Variants in LIMCH1 observed in about 807,000 individuals in gnomAD.
The protein encoded by LIMCH1 is LIM and calponin homology domains 1.
LIMCH1 carries 113 observed loss-of-function variants against 176.5 expected under a neutral mutation model. The ratio of observed to expected loss-of-function variants is 0.64; its 90% CI spans 0.55 to 0.75. The LOEUF is 0.75. Among genes scored for constraint, LIMCH1 ranks in the 30% least tolerant of loss-of-function variants. LIMCH1 has a pLI of 0.00. For missense variants in LIMCH1, 1,674 were observed against 1,814.9 expected (o/e 0.92, Z 1.41); for synonymous variants, 619 against 645.9 (o/e 0.96, Z 0.63).
intron 4 of LIMCH1, 95 bp from the exon 5 acceptor site, chr4:41,613,371 A>G (rs1165726799): frequency 4.9e-6 from 5 of 1,012,554 alleles, no homozygotes; most frequent in Non-Finnish European, 7.3e-6. Context: ...CTGATGTGAT[A>G]TGCAGGGGTT....
At chr4:41,584,460 G>A (rs1584476353) in intron 1 of LIMCH1, among the ~76,000 whole-genome samples, 1 of 152,308 alleles carries the variant, frequency 6.6e-6, no homozygotes, top group Non-Finnish European at 1.5e-5. Flanking sequence ...CTGTGAAAAG[G>A]TGTATGATGG....
Position 41,513,830 on chromosome 4 carries a change from C to T in LIMCH1, c.168-10579C>T, listed in dbSNP as rs773985740. Among the ~76,000 whole-genome samples, 98 of 149,978 alleles carry T rather than the reference C, an allele frequency of 6.5e-4. 1 individual carries two copies. Among genetic ancestry groups the T allele is most frequent in the Middle Eastern group, 6.8e-3 (2 of 292 alleles). On this transcript the variant is annotated intron_variant, in intron 2 of 26. Coordinates refer to the LIMCH1 transcript ENST00000313860. Reference sequence around the variant, plus strand: ...GACCAGCCTGGTCAACATGGCAAAACCCCATTTCTACTAAAAAATATGAAA... The same window carrying T: ...GACCAGCCTGGTCAACATGGCAAAATCCCATTTCTACTAAAAAATATGAAA...
chr4:41,604,113 T>C (rs1373872267), intron 3 of LIMCH1: 4 of 760,652 alleles, frequency 5.3e-6, no homozygotes, highest in Non-Finnish European at 4.8e-6. Context: ...TTTATTTAGA[T>C]AAGTGCTCAA....
At position 41,605,878 on chromosome 4, in the gene LIMCH1, G is replaced by A. The variant is rs762859979; in HGVS notation, c.-102-16G>A. ...TCTTGAGGGAAAAATCTGCTCTTGT[G>A]CGTTTTGTTCCACAGGTATTAGTTA... On this transcript the variant is annotated splice_polypyrimidine_tract_variant and intron_variant, in intron 3 of 31. Transcript: ENST00000503057. 17 of 1,544,560 alleles carry A rather than the reference G, an allele frequency of 1.1e-5. No homozygotes were observed. The highest frequency in any genetic ancestry group is 1.3e-5 in the Non-Finnish European group (15 of 1,117,658).
chr4:41,692,538 T>G, intron 31 of LIMCH1, 154 bp downstream of exon 31: 3 of 571,434 alleles, frequency 5.2e-6, no homozygotes, highest in Non-Finnish European at 9.4e-6. Flanking sequence ...GAAAAGATAT[T>G]TACCACTCGT....
At chr4:41,556,347 A>G (rs902026881) in intron 1 of LIMCH1, among the ~76,000 whole-genome samples, 8 of 149,318 alleles carry the variant, frequency 5.4e-5, no homozygotes, top group African/African-American at 1.5e-4. Context: ...GCAAGCTGAT[A>G]TCATCCCATT....
chr4:41,518,715 C>G (rs1400119556), intron 2 of LIMCH1, among the ~76,000 whole-genome samples: 1 of 152,090 alleles, frequency 6.6e-6, no homozygotes, highest in Non-Finnish European at 1.5e-5. Flanking sequence ...GGTATTTGTC[C>G]TAATGTTCTG....
At chr4:41,613,803 A>G (rs2091753041) in intron 5 of LIMCH1, 142 bp downstream of exon 5, 1 of 716,058 alleles carries the variant, frequency 1.4e-6, no homozygotes, top group Admixed American at 2.9e-5. Flanking sequence ...AAACTGGCAG[A>G]AAAAAGAAGT....
At position 41,699,225 on chromosome 4, in the gene LIMCH1, G is replaced by T. The variant is rs932364780; in HGVS notation, c.*2040G>T. On this transcript the variant is annotated 3_prime_UTR_variant, in exon 32 of 32. Transcript: ENST00000503057. ...TGTGCAACTCCATCCGTTATGTAAGGATTACATGAATATTGCACATTCCCT... is the reference window on the plus strand; with the variant it reads ...TGTGCAACTCCATCCGTTATGTAAGTATTACATGAATATTGCACATTCCCT... 3 of 152,034 alleles carry T rather than the reference G, an allele frequency of 2.0e-5. No homozygotes were observed. The highest frequency in any genetic ancestry group is 6.6e-5 in the Admixed American group (1 of 15,264). The allele number at this position is 152,034 out of a possible 1,614,324, so 9.4% of individuals were successfully genotyped here. A position where few individuals can be genotyped will look rare whatever the true frequency, so the allele number is the denominator to read the frequency against.
intron 2 of LIMCH1, among the ~76,000 whole-genome samples, chr4:41,512,322 C>A (rs1449126319): frequency 6.6e-6 from 1 of 151,956 alleles, no homozygotes; most frequent in African/African-American, 2.4e-5. Flanking sequence ...AATGACACAG[C>A]CATTTTGGAA....
At chr4:41,376,606 A>G (rs927051050) in intron 1 of LIMCH1, among the ~76,000 whole-genome samples, 53 of 152,148 alleles carry the variant, frequency 3.5e-4, no homozygotes, top group African/African-American at 1.3e-3. Context: ...ATTTATACTT[A>G]AAATATATGG....
chr4:41,681,086 G>A, intron 25 of LIMCH1, 27 bp downstream of exon 25: 1 of 1,409,946 alleles, frequency 7.1e-7, no homozygotes, highest in African/African-American at 1.4e-5. Flanking sequence ...AAAGCAATTT[G>A]TGAAATAAAT....
intron 1 of LIMCH1, among the ~76,000 whole-genome samples, chr4:41,581,902 T>C (rs556508497): frequency 3.8e-4 from 58 of 151,776 alleles, no homozygotes; most frequent in Non-Finnish European, 7.5e-4. Flanking sequence ...CTTGGCATAA[T>C]GTCCTCCAGA....
chr4:41,429,917 G>A (rs9985838), intron 1 of LIMCH1, among the ~76,000 whole-genome samples: 34,233 of 152,032 alleles, frequency 0.23, 4,816 homozygotes, highest in African/African-American at 0.38. Context: ...GTGGGATTTG[G>A]CTTAGAAGTA....
chr4:41,576,733 T>A (rs187678622), intron 1 of LIMCH1, among the ~76,000 whole-genome samples: 1 of 152,216 alleles, frequency 6.6e-6, no homozygotes, highest in Non-Finnish European at 1.5e-5. Flanking sequence ...TAGCCTAATT[T>A]GAGTGTAGTC....
intron 2 of LIMCH1, among the ~76,000 whole-genome samples, chr4:41,509,893 A>G (rs1343207680): frequency 6.6e-6 from 1 of 152,208 alleles, no homozygotes; most frequent in African/African-American, 2.4e-5. Flanking sequence ...TTGGACATCA[A>G]TTACAAAGTC....
intron 1 of LIMCH1, among the ~76,000 whole-genome samples, chr4:41,569,438 T>C (rs979080284): frequency 2.0e-5 from 3 of 152,130 alleles, no homozygotes; most frequent in African/African-American, 7.2e-5. Context: ...GCTCAGTTCC[T>C]TCATCACTCA....
rs1407518818 is a variant in LIMCH1, at chr4:41,651,391, G to T, written c.3036+783G>T. ...GACCTCATCTTAACTAATCACATCT[G>T]CAGCAGCCCTATTTCCAAAGGTCAC... On this transcript the variant is annotated intron_variant, in intron 18 of 31. Transcript: ENST00000503057. 2.0e-5 allele frequency among the ~76,000 whole-genome samples: 3 copies of T among 152,246 alleles called. No homozygotes were observed. The East Asian group carries it at 5.8e-4, about 29-fold the overall frequency.
intron 31 of LIMCH1, among the ~76,000 whole-genome samples, chr4:41,694,384 A>ATGCACACACTTGCACACATG (rs1728793095): frequency 6.6e-6 from 1 of 152,186 alleles, no homozygotes; most frequent in African/African-American, 2.4e-5. Context: ...GTACATGTGT[A>ATGCACACACTTGCACACATG]TGCACACACT....
Sources: gnomAD v4.1 joint callset for allele counts (sites outside exome capture counted in the v4.1 genomes callset) on GRCh38, gnomAD v4.1.1 for gene constraint, MANE v1.5 for transcripts, NCBI Gene and HGNC (gene_info 2026-07-23, HGNC 2026-07-21) for gene names.